ZNF17: variants seen among roughly 807,000 people sequenced by gnomAD.
ZNF17 encodes the protein zinc finger protein 17 (HPF3, KOX 10).
In ZNF17, 4 loss-of-function variants were observed where a neutral mutation model predicts 7.7. That is an observed-to-expected ratio of 0.52 (90% confidence interval 0.26 to 1.20). The LOEUF (loss-of-function observed/expected upper bound fraction) is 1.20, where lower values mean the gene tolerates loss of function less well. ZNF17 is among the 50% of genes most tolerant of loss of function. ZNF17 has a pLI of 0.14. For missense variants in ZNF17, 738 were observed against 799.5 expected (o/e 0.92, Z 0.93); for synonymous variants, 249 against 258.8 (o/e 0.96, Z 0.36).
At chr19:57,417,648 A>G (rs1300154476) in intron 2 of ZNF17, among the ~76,000 whole-genome samples, 3 of 152,084 alleles carry the variant, frequency 2.0e-5, no homozygotes, top group African/African-American at 7.2e-5. Context: ...GGAGTTCTAG[A>G]CCAGCCTGAA....
intron 2 of ZNF17, 124 bp from the exon 3 acceptor site, chr19:57,417,788 A>C (rs980909231): frequency 8.3e-7 from 1 of 1,206,612 alleles, no homozygotes; most frequent in Non-Finnish European, 1.2e-6. Context: ...CGGAGCTTGC[A>C]GTGAGCCGAG....
intron 3 of ZNF17, 70 bp from the exon 4 acceptor site, chr19:57,419,565 C>T: frequency 1.3e-6 from 2 of 1,505,490 alleles, no homozygotes; most frequent in Non-Finnish European, 1.8e-6. Context: ...GTTGGTCTGA[C>T]AGACATTTGT....
At chr19:57,416,134 G>A (rs907241162) in intron 2 of ZNF17, among the ~76,000 whole-genome samples, 5 of 152,100 alleles carry the variant, frequency 3.3e-5, no homozygotes, top group Non-Finnish European at 5.9e-5. Flanking sequence ...AACAGGATTG[G>A]GTTGGGAGAC....
Position 57,419,946 on chromosome 19 carries a change from G to A in ZNF17, c.460G>A (p.Gly154Ser), listed in dbSNP as rs766237970. Reference protein sequence around the residue: ...LAKRNLTCMQGGKDFTGDSDL... With the variant: ...LAKRNLTCMQSGKDFTGDSDL... ...AAAGAGGAACCTCACATGCATGCAG[G>A]GTGGCAAGGATTTTACTGGTGATTC... is the stretch of plus-strand genomic sequence containing the variant. The change falls in exon 4 of 4, where the codon GGT (glycine) becomes AGT (serine). Residue 154 changes from glycine to serine, a missense_variant. Around this residue, in one of 3 missense-constraint regions of ZNF17, gnomAD observed 616 missense variants for 663.9 expected, o/e 0.93. Transcript: ENST00000307658. The A allele has an allele frequency of 2.5e-6, 4 of 1,614,080 alleles. No homozygotes were observed. The African/African-American group carries it at 4.0e-5, about 16-fold the overall frequency.
rs998155672 is a variant in ZNF17, at chr19:57,420,268, A to G, written c.782A>G (p.Tyr261Cys). The part of the protein sequence containing the change: ...SECGKAFSLK[Y>C]NVVQHQKIHT... ...TGTGGAAAAGCCTTCAGCCTCAAAT[A>G]CAATGTTGTTCAACACCAGAAAATT... is the stretch of plus-strand genomic sequence containing the variant. The change falls in exon 4 of 4, where the codon TAC (tyrosine) becomes TGC (cysteine). Residue 261 changes from tyrosine to cysteine, a missense_variant. Physicochemically the swap from Tyr to Cys is radical, Grantham distance 194 (BLOSUM62 -2). Around this residue, in one of 3 missense-constraint regions of ZNF17, gnomAD observed 616 missense variants for 663.9 expected, o/e 0.93. Transcript: ENST00000307658. 1.9e-6 allele frequency: 3 copies of G among 1,614,004 alleles called. No individual in the cohort carries two copies. Among genetic ancestry groups the G allele is most frequent in the African/African-American group, 2.7e-5 (2 of 74,892 alleles).
At position 57,420,402 on chromosome 19, in the gene ZNF17, T is replaced by A; in HGVS notation, c.916T>A (p.Cys306Ser). 2 of 1,614,168 alleles carry A rather than the reference T, an allele frequency of 1.2e-6. No individual in the cohort carries two copies. Among genetic ancestry groups the A allele is most frequent in the Non-Finnish European group, 1.7e-6 (2 of 1,180,020 alleles). The change falls in exon 4 of 4, where the codon TGT (cysteine) becomes AGT (serine). Residue 306 changes from cysteine (C) to serine (S), a missense_variant. Cys to Ser is a moderately radical substitution (Grantham distance 112, BLOSUM62 -1). Coordinates refer to ENST00000307658, the MANE Select transcript of ZNF17 (RefSeq NM_001330617.2). Reference sequence around the variant, plus strand: ...TCACACCAGGCCAAGGCCTTATGTGTGTAGTGAATGTGGGAAGGCCTTCCT... The same window carrying A: ...TCACACCAGGCCAAGGCCTTATGTGAGTAGTGAATGTGGGAAGGCCTTCCT... Reference protein sequence around the residue: ...RIHTRPRPYVCSECGKAFLTQ... With the variant: ...RIHTRPRPYVSSECGKAFLTQ...
rs545403036 is a variant in ZNF17 at position 57,414,194 on chromosome 19, C to T, written c.21+558C>T. 6.6e-4 allele frequency among the ~76,000 whole-genome samples: 100 copies of T among 152,118 alleles called. 1 individual carries two copies. In the South Asian group the frequency reaches 0.02, roughly 31 times the overall value. Reference sequence around the variant, plus strand: ...GATTATAGGCACCCGCCACCATGCCCGGCTAATTTTTGTATTTTTTAGTAG... The same window carrying T: ...GATTATAGGCACCCGCCACCATGCCTGGCTAATTTTTGTATTTTTTAGTAG... On this transcript the variant is annotated intron_variant, in intron 2 of 3. Coordinates refer to ENST00000307658, the MANE Select transcript of ZNF17 (RefSeq NM_001330617.2).
intron 2 of ZNF17, among the ~76,000 whole-genome samples, chr19:57,416,388 C>T (rs1371696762): frequency 2.0e-5 from 3 of 152,082 alleles, no homozygotes; most frequent in Non-Finnish European, 4.4e-5. Flanking sequence ...CCACCTCTGG[C>T]ACTGGGCACT....
At chr19:57,416,097 G>C (rs1259843932) in intron 2 of ZNF17, among the ~76,000 whole-genome samples, 2 of 152,136 alleles carry the variant, frequency 1.3e-5, no homozygotes, top group Non-Finnish European at 2.9e-5. Flanking sequence ...GAATATGTGG[G>C]TTTGGAAAGC....
chr19:57,417,867 GA>G (rs373690502), intron 2 of ZNF17, 44 bp from the exon 3 acceptor site: 79 of 1,469,698 alleles, frequency 5.4e-5, no homozygotes, highest in African/African-American at 4.0e-4. Context: ...AAAAAAGAAA[GA>G]AAAAAAAAGT....
At chr19:57,413,426 G>A in intron 1 of ZNF17, 170 bp from the exon 2 acceptor site, 1 of 616,548 alleles carries the variant, frequency 1.6e-6, no homozygotes, top group Admixed American at 2.7e-5. Context: ...TACACATAAG[G>A]GCACCGAGAC....
chr19:57,419,499 C>G (rs1306551834), intron 3 of ZNF17, 136 bp from the exon 4 acceptor site: 2 of 944,212 alleles, frequency 2.1e-6, no homozygotes, highest in East Asian at 5.2e-5. Context: ...GTAGGCTTTC[C>G]TCTCACTGGC....
chr19:57,411,795 C>A (rs926617552), intron 1 of ZNF17: 49 of 570,142 alleles, frequency 8.6e-5, no homozygotes, highest in Middle Eastern at 7.6e-4. Context: ...CTGAGGAGAC[C>A]CCTTGAGTTA....
At chr19:57,418,568 G>A (rs566273207) in intron 3 of ZNF17, among the ~76,000 whole-genome samples, 4 of 152,146 alleles carry the variant, frequency 2.6e-5, no homozygotes, top group East Asian at 3.9e-4. Flanking sequence ...CTTGGCTAAC[G>A]CCACACCTAG....
intron 3 of ZNF17, among the ~76,000 whole-genome samples, chr19:57,418,508 G>A (rs1197519092): frequency 6.6e-6 from 1 of 152,126 alleles, no homozygotes; most frequent in Non-Finnish European, 1.5e-5. Flanking sequence ...TGGGTTTATT[G>A]CTCTGTGTAC....
At position 57,420,465 on chromosome 19, in the gene ZNF17, A is replaced by C. The variant is rs1257234882; in HGVS notation, c.979A>C (p.Thr327Pro). Reference sequence around the variant, plus strand: ...CCTTGTTGGTCACCAGAAAATTCATACTGGAGAACGGCCTTATGGATGCAA... The same window carrying C: ...CCTTGTTGGTCACCAGAAAATTCATCCTGGAGAACGGCCTTATGGATGCAA... The part of the protein sequence containing the change: ...AHLVGHQKIH[T>P]GERPYGCNEC... Residue 327 changes from threonine (T) to proline (P), a missense_variant, in exon 4 of 4, where the codon ACT becomes CCT. Transcript: ENST00000307658. 2 of 1,614,162 alleles carry C rather than the reference A, an allele frequency of 1.2e-6. No homozygotes were observed. The highest frequency in any genetic ancestry group is 4.5e-5 in the East Asian group (2 of 44,870).
chr19:57,415,375 G>A (rs1349631961), intron 2 of ZNF17, among the ~76,000 whole-genome samples: 1 of 152,134 alleles, frequency 6.6e-6, no homozygotes, highest in Non-Finnish European at 1.5e-5. Flanking sequence ...AACGAGGTTT[G>A]GGCTAAGTCA....
intron 2 of ZNF17, among the ~76,000 whole-genome samples, chr19:57,416,534 G>T (rs997673382): frequency 2.0e-5 from 3 of 151,532 alleles, no homozygotes; most frequent in African/African-American, 7.3e-5. Context: ...TTTTTGAGAT[G>T]GAGTCTAGCT....
In ZNF17 at chr19:57,420,595, T is replaced by C; in HGVS notation, c.1109T>C (p.Met370Thr). ...TGCTGTGAATGTGGGAAATTCTTTA[T>C]GGACAGCTGCACACTCATTATTCAC... The part of the protein sequence containing the change: ...FYCCECGKFF[M>T]DSCTLIIHQR... The change falls in exon 4 of 4, where the codon ATG becomes ACG. Residue 370 changes from methionine (M) to threonine (T), a missense_variant. Transcript: ENST00000307658. 1 of 1,613,954 alleles carries C rather than the reference T, an allele frequency of 6.2e-7. No homozygotes were observed. Among genetic ancestry groups the C allele is most frequent in the Non-Finnish European group, 8.5e-7 (1 of 1,179,974 alleles).
Sources: gnomAD v4.1 joint callset for allele counts (sites outside exome capture counted in the v4.1 genomes callset) on GRCh38, gnomAD v4.1.1 for gene constraint, gnomAD v4.1.1 regional missense constraint, MANE v1.5 for transcripts, NCBI Gene and HGNC (gene_info 2026-07-23, HGNC 2026-07-21) for gene names.